The following QSOX1 variants were observed in gnomAD, a reference collection of about 807,000 sequenced individuals.
QSOX1 encodes quiescin sulfhydryl oxidase 1.
In QSOX1, 40 loss-of-function variants were observed where a neutral mutation model predicts 76.1. The observed-to-expected ratio is 0.53, with a 90% confidence interval of 0.41 to 0.68. QSOX1 has a LOEUF of 0.68. Among genes scored for constraint, QSOX1 ranks in the 30% least tolerant of loss-of-function variants. The probability of loss-of-function intolerance (pLI) is 0.00; values close to 1 mark genes in which losing one functional copy is unlikely to be tolerated. For missense variants in QSOX1, 931 were observed against 974.3 expected (o/e 0.96, Z 0.59); for synonymous variants, 392 against 413.1 (o/e 0.95, Z 0.62).
At chr1:180,163,574 C>G (rs1377003364) in intron 1 of QSOX1, among the ~76,000 whole-genome samples, 2 of 152,160 alleles carry the variant, frequency 1.3e-5, no homozygotes, top group African/African-American at 4.8e-5. Flanking sequence ...CATACAAAAA[C>G]AAGATGCCAA....
chr1:180,196,393 C>A lies in QSOX1; in HGVS notation c.1600C>A (p.His534Asn). The change falls in exon 12 of 12, where the codon CAC becomes AAC. Residue 534 changes from histidine (H) to asparagine (N), a missense_variant. Coordinates refer to ENST00000367602, the MANE Select transcript of QSOX1 (RefSeq NM_002826.5). This position sits in a 1 kb window ranked among gnomAD's most constrained non-coding sequence, Gnocchi z 4.1. ...VEATLNFLKA[H>N]FSPSNIILDF... Reference sequence around the variant, plus strand: ...AGCCACCCTCAACTTCCTCAAGGCCCACTTCTCCCCAAGCAACATCATCCT... The same window carrying A: ...AGCCACCCTCAACTTCCTCAAGGCCAACTTCTCCCCAAGCAACATCATCCT... 1 of 1,614,200 alleles carries A rather than the reference C, an allele frequency of 6.2e-7. No homozygotes were observed. Among genetic ancestry groups the A allele is most frequent in the Non-Finnish European group, 8.5e-7 (1 of 1,180,028 alleles).
At chr1:180,179,221 G>A (rs1476012624) in intron 5 of QSOX1, among the ~76,000 whole-genome samples, 3 of 152,188 alleles carry the variant, frequency 2.0e-5, no homozygotes, top group Admixed American at 1.3e-4. Flanking sequence ...CTAGTAAGTT[G>A]GTAGAAGAGG....
At chr1:180,182,098 G>C in intron 5 of QSOX1, 76 bp from the exon 6 acceptor site, 2 of 1,529,462 alleles carry the variant, frequency 1.3e-6, no homozygotes, top group Non-Finnish European at 9.0e-7. Context: ...TGCCTTCACA[G>C]GTCACCGAGC....
In QSOX1 at chr1:180,155,057, G is replaced by A; in HGVS notation, c.150G>A (p.Val50=). 1.3e-6 allele frequency: 2 copies of A among 1,514,340 alleles called. No individual in the cohort carries two copies. Among genetic ancestry groups the A allele is most frequent in the African/African-American group, 2.9e-5 (2 of 69,748 alleles). 93.8% of individuals were successfully genotyped at this position (1,514,340 alleles called of 1,614,324 possible). A position where few individuals can be genotyped will look rare whatever the true frequency, so the allele number is the denominator to read the frequency against. The change falls in exon 1 of 12, where the codon GTG becomes GTA. Residue 50 remains valine (V), a synonymous_variant. Coordinates refer to ENST00000367602, the MANE Select transcript of QSOX1 (RefSeq NM_002826.5). ...TGACGCTGCTGCAGGCGGACACGGT[G>A]CGCGGCGCGGTGCTGGGCTCCCGCA... The part of the protein sequence containing the change: ...DPLTLLQADT[V]RGAVLGSRSA...
In QSOX1 at chr1:180,176,017, C is replaced by T. The variant is rs775600138; in HGVS notation, c.499C>T (p.Pro167Ser). 240 of 1,595,982 alleles carry T rather than the reference C, an allele frequency of 1.5e-4. No individual in the cohort carries two copies. The highest frequency in any genetic ancestry group is 1.9e-4 in the Non-Finnish European group (227 of 1,171,814). ...HHDTWPPACP[P>S]LEPAKLEEID... ...TGACACGTGGCCCCCAGCCTGTCCCCCACTGGAGCCTGCCAAGTACTTTGG... is the reference window on the plus strand; with the variant it reads ...TGACACGTGGCCCCCAGCCTGTCCCTCACTGGAGCCTGCCAAGTACTTTGG... The change falls in exon 4 of 12, where the codon CCA (proline) becomes TCA (serine). Residue 167 changes from proline to serine, a missense_variant. By Grantham distance (74) the Pro-to-Ser change is moderately conservative. Coordinates refer to ENST00000367602, the MANE Select transcript of QSOX1 (RefSeq NM_002826.5).
chr1:180,181,094 T>C (rs1663022372), intron 5 of QSOX1, among the ~76,000 whole-genome samples: 1 of 152,196 alleles, frequency 6.6e-6, no homozygotes, highest in African/African-American at 2.4e-5. Flanking sequence ...TCTCTGAAGA[T>C]AAATGAGGCA....
In QSOX1 at chr1:180,154,945, C is replaced by CGCTGCTGCT. The variant is rs760402375; in HGVS notation, c.49_57dup (p.Leu17_Leu19dup). On this transcript the variant is annotated inframe_insertion, in exon 1 of 12. Coordinates refer to ENST00000367602, the MANE Select transcript of QSOX1 (RefSeq NM_002826.5). ...AACAGCGGCTCCGGGCCGCCGCCGT[C>CGCTGCTGCT]GCTGCTGCTGCTGCTGCTGTGGCTG... 12 of 1,482,104 alleles carry CGCTGCTGCT rather than the reference C, an allele frequency of 8.1e-6. No individual in the cohort carries two copies. Among genetic ancestry groups the CGCTGCTGCT allele is most frequent in the African/African-American group, 7.4e-5 (5 of 67,938 alleles). The allele number at this position is 1,482,104 out of a possible 1,614,324, so 91.8% of individuals were successfully genotyped here. A position where few individuals can be genotyped will look rare whatever the true frequency, so the allele number is the denominator to read the frequency against.
chr1:180,160,707 A>G (rs182262533), intron 1 of QSOX1, among the ~76,000 whole-genome samples: 1 of 152,240 alleles, frequency 6.6e-6, no homozygotes, highest in Non-Finnish European at 1.5e-5. Flanking sequence ...TTGGGAAAGC[A>G]TGAAGTTGTC....
intron 10 of QSOX1, among the ~76,000 whole-genome samples, chr1:180,191,664 ACAAAG>A (rs950902212): frequency 1.2e-4 from 19 of 152,372 alleles, no homozygotes; most frequent in African/African-American, 4.6e-4. Flanking sequence ...GCTGAGGAAG[ACAAAG>A]CAAAGCAGTG....
At chr1:180,180,267 A>C (rs965077229) in intron 5 of QSOX1, among the ~76,000 whole-genome samples, 2 of 151,424 alleles carry the variant, frequency 1.3e-5, no homozygotes, top group Admixed American at 1.3e-4. Flanking sequence ...CTGGAGTGCA[A>C]TGGCACTGTC....
Position 180,179,335 on chromosome 1 carries a change from C to T in QSOX1, c.606+451C>T, listed in dbSNP as rs376994590. On this transcript the variant is annotated intron_variant, in intron 5 of 11. Coordinates refer to ENST00000367602, the MANE Select transcript of QSOX1 (RefSeq NM_002826.5). ...TTTGGGAGGGAGGGAACATTAGCGA[C>T]GCCCTAGCCCCACCGGAGGAAATGG... is the stretch of plus-strand genomic sequence containing the variant. Among the ~76,000 whole-genome samples the T allele has an allele frequency of 1.2e-4, 18 of 152,322 alleles. No homozygotes were observed. In the South Asian group the frequency reaches 1.7e-3, roughly 14 times the overall value.
At chr1:180,168,446 C>T (rs1662683762) in intron 2 of QSOX1, among the ~76,000 whole-genome samples, 1 of 152,238 alleles carries the variant, frequency 6.6e-6, no homozygotes, top group Non-Finnish European at 1.5e-5. Context: ...CAGGGGGAGG[C>T]ACCCAGTGCC....
chr1:180,198,651 C>T lies in QSOX1; in HGVS notation c.*1614C>T. 1 of 344,610 alleles carries T rather than the reference C, an allele frequency of 2.9e-6. No individual in the cohort carries two copies. The highest frequency in any genetic ancestry group is 2.2e-5 in the South Asian group (1 of 45,476). The allele number at this position is 344,610 out of a possible 1,614,324, so 21.3% of individuals were successfully genotyped here. On this transcript the variant is annotated 3_prime_UTR_variant, in exon 12 of 12. Coordinates refer to ENST00000367602, the MANE Select transcript of QSOX1 (RefSeq NM_002826.5). ...TGCATGTTTCCCTCGACCTCTTTAG[C>T]TGCAGCGCCTTGCTGGGCTCCTGGG...
intron 11 of QSOX1, 85 bp downstream of exon 11, chr1:180,194,477 G>A (rs1663409595): frequency 3.0e-6 from 4 of 1,349,842 alleles, no homozygotes; most frequent in Non-Finnish European, 4.0e-6. Context: ...CCAAAATTTG[G>A]GGAAGGGACA....
chr1:180,155,705 C>T (rs74458155), intron 1 of QSOX1, among the ~76,000 whole-genome samples: 2,771 of 152,314 alleles, frequency 0.018, 39 homozygotes, highest in Non-Finnish European at 0.027. Context: ...ACATAGACTT[C>T]CTTTCTCATT....
Position 180,199,256 on chromosome 1 carries a change from G to C in QSOX1, c.*2219G>C, listed in dbSNP as rs1663580574. ...TAAACCAGCCTCGCCCACCAGCTGG[G>C]CCCTCCCCCACCCAGTCTGCCAGGC... is the stretch of plus-strand genomic sequence containing the variant. On this transcript the variant is annotated 3_prime_UTR_variant, in exon 12 of 12. Coordinates refer to ENST00000367602, the MANE Select transcript of QSOX1 (RefSeq NM_002826.5). The C allele has an allele frequency of 6.6e-6, 1 of 152,272 alleles. No homozygotes were observed. Among genetic ancestry groups the C allele is most frequent in the Non-Finnish European group, 1.5e-5 (1 of 68,090 alleles). The allele number at this position is 152,272 out of a possible 1,614,324, so 9.4% of individuals were successfully genotyped here.
chr1:180,190,615 C>T (rs1663285139), intron 10 of QSOX1, 35 bp downstream of exon 10: 1 of 1,583,622 alleles, frequency 6.3e-7, no homozygotes, highest in Non-Finnish European at 8.6e-7. Context: ...ACTGTGCCTC[C>T]AACCCTGCTC....
chr1:180,168,784 G>A (rs1051085531), intron 2 of QSOX1, among the ~76,000 whole-genome samples: 2 of 152,052 alleles, frequency 1.3e-5, no homozygotes, highest in East Asian at 1.9e-4. Flanking sequence ...CCAGAGATTC[G>A]GGGCCATGAA....
intron 1 of QSOX1, among the ~76,000 whole-genome samples, chr1:180,158,010 T>C (rs981848594): frequency 6.6e-6 from 1 of 152,270 alleles, no homozygotes; most frequent in Non-Finnish European, 1.5e-5. Flanking sequence ...TATTACACGC[T>C]TGCCTTATGC....
Sources: gnomAD v4.1 joint callset for allele counts (sites outside exome capture counted in the v4.1 genomes callset) on GRCh38, gnomAD v4.1.1 for gene constraint, Gnocchi (gnomAD v3.1) non-coding constraint, MANE v1.5 for transcripts, NCBI Gene and HGNC (gene_info 2026-07-23, HGNC 2026-07-21) for gene names.